Variants in PSD3 observed in about 807,000 individuals in gnomAD.
PSD3 encodes pleckstrin and Sec7 domain containing 3.
Under a neutral mutation model 105.5 loss-of-function variants are expected in PSD3, and 49 were observed. The ratio of observed to expected loss-of-function variants is 0.46; its 90% CI spans 0.37 to 0.59. The LOEUF (loss-of-function observed/expected upper bound fraction) is 0.59. Ranked by LOEUF, PSD3 falls within the 20% of genes least tolerant of loss-of-function variation. The probability of loss-of-function intolerance (pLI) is 0.00; values close to 1 mark genes in which losing one functional copy is unlikely to be tolerated. For synonymous variants in PSD3, 557 were observed against 457.8 expected (o/e 1.22, Z -2.77); for missense variants, 1,561 against 1,263.8 (o/e 1.24, Z -3.57).
intron 4 of PSD3, among the ~76,000 whole-genome samples, chr8:18,846,963 T>C (rs574378649): frequency 6.0e-4 from 92 of 152,198 alleles, no homozygotes; most frequent in Non-Finnish European, 1.2e-3. Context: ...GGCCCCACCC[T>C]GCCAATCCCA....
intron 9 of PSD3, among the ~76,000 whole-genome samples, chr8:18,752,548 ATATATAATTATATATATT>A (rs1805625958): frequency 4.3e-4 from 6 of 14,026 alleles, no homozygotes; most frequent in Middle Eastern, 0.02. Context: ...TATATATATT[ATATATAATTATATATATT>A]ATATATATAA....
intron 15 of PSD3, among the ~76,000 whole-genome samples, chr8:18,550,539 A>G (rs1285723591): frequency 3.3e-5 from 5 of 152,166 alleles, no homozygotes; most frequent in African/African-American, 1.2e-4. Context: ...TCAAAAATAT[A>G]TTTACACCAC....
chr8:18,743,772 A>AT (rs1484714307), intron 9 of PSD3, among the ~76,000 whole-genome samples: 2 of 8,238 alleles, frequency 2.4e-4, no homozygotes, highest in Admixed American at 2.6e-3. Context: ...CCCTGTCTCT[A>AT]TTAAAAAAAA....
chr8:18,957,806 C>G (rs908403118), intron 1 of PSD3, among the ~76,000 whole-genome samples: 1 of 152,134 alleles, frequency 6.6e-6, no homozygotes, highest in African/African-American at 2.4e-5. Flanking sequence ...ATAATGAATG[C>G]ACTTGTGGGT....
In PSD3 at chr8:18,608,212, C is replaced by G. The variant is rs552424049; in HGVS notation, c.2411-7778G>C. Among the ~76,000 whole-genome samples, 4 of 152,028 alleles carry G rather than the reference C, an allele frequency of 2.6e-5. No homozygotes were observed. The East Asian group carries it at 7.7e-4, about 29-fold the overall frequency. On this transcript the variant is annotated intron_variant, in intron 11 of 15. Coordinates refer to ENST00000327040, the MANE Select transcript of PSD3 (RefSeq NM_015310.4). ...TCTATCCTGGGTGACAAAGTGAGAT[C>G]CTGTCTCAAAAAAAAAATTATTTAA...
At chr8:19,007,194 G>C (rs146514372) in intron 1 of PSD3, among the ~76,000 whole-genome samples, 2,405 of 152,096 alleles carry the variant, frequency 0.016, 67 homozygotes, top group African/African-American at 0.054. Context: ...AGAGGTTGCA[G>C]TGAGCCGAGA....
intron 1 of PSD3, among the ~76,000 whole-genome samples, chr8:19,040,186 T>C (rs113669668): frequency 4.6e-5 from 7 of 152,296 alleles, no homozygotes; most frequent in African/African-American, 1.7e-4. Context: ...GGTAAGGCTT[T>C]TGCAGTTAAA....
chr8:18,586,479 G>C (rs971842210), intron 12 of PSD3, among the ~76,000 whole-genome samples: 3 of 152,112 alleles, frequency 2.0e-5, no homozygotes, highest in Non-Finnish European at 4.4e-5. Context: ...TTGATGAAAG[G>C]CTTAAAGTAA....
intron 1 of PSD3, among the ~76,000 whole-genome samples, chr8:19,027,970 T>C (rs971948254): frequency 6.6e-6 from 1 of 152,208 alleles, no homozygotes; most frequent in Admixed American, 6.5e-5. Context: ...TACTGGGACA[T>C]ATGGTTAATG....
chr8:18,542,005 G>C (rs1264904677), intron 15 of PSD3, among the ~76,000 whole-genome samples: 1 of 151,930 alleles, frequency 6.6e-6, no homozygotes, highest in Non-Finnish European at 1.5e-5. Context: ...CTCCTGCCTC[G>C]GCCTCTCAAA....
chr8:18,573,670 A>T (rs2130344130), intron 13 of PSD3, among the ~76,000 whole-genome samples: 1 of 152,334 alleles, frequency 6.6e-6, no homozygotes, highest in South Asian at 2.1e-4. Context: ...GCTTTATGTT[A>T]AATAAAAGAA....
At chr8:18,792,921 C>CA (rs1204106968) in intron 8 of PSD3, among the ~76,000 whole-genome samples, 1 of 152,162 alleles carries the variant, frequency 6.6e-6, no homozygotes, top group Non-Finnish European at 1.5e-5. Context: ...GACTTGGAAC[C>CA]AGTCCAAATG....
intron 9 of PSD3, chr8:18,684,019 C>A (rs527837025): frequency 1.3e-5 from 9 of 682,264 alleles, no homozygotes; most frequent in African/African-American, 1.2e-4. Flanking sequence ...AGGAACTCTG[C>A]GGGGTTGTGC....
At position 18,733,253 on chromosome 8, in the gene PSD3, T is replaced by A. The variant is rs184972270; in HGVS notation, c.2172+32196A>T. ...GGGAAAAAAGGAAAATCTCTTTTTTTAAAAAATGAGAGGTTCTACTTTTTA... is the reference window on the plus strand; with the variant it reads ...GGGAAAAAAGGAAAATCTCTTTTTTAAAAAAATGAGAGGTTCTACTTTTTA... On this transcript the variant is annotated intron_variant, in intron 9 of 15. Coordinates refer to ENST00000327040, the MANE Select transcript of PSD3 (RefSeq NM_015310.4). 380 of 152,308 alleles carry A rather than the reference T, an allele frequency of 2.5e-3. 2 individuals are homozygous for A. The highest frequency in any genetic ancestry group is 8.6e-3 in the African/African-American group (357 of 41,564). 9.4% of individuals were successfully genotyped at this position (152,308 alleles called of 1,614,324 possible).
rs74859041 is a variant in PSD3, at chr8:18,985,663, T to G, written c.21+27900A>C. 7.2e-3 allele frequency among the ~76,000 whole-genome samples: 1,093 copies of G among 152,288 alleles called. 8 individuals are homozygous for G. The highest frequency in any genetic ancestry group is 0.011 in the Non-Finnish European group (768 of 68,006). On this transcript the variant is annotated intron_variant, in intron 1 of 15. Coordinates refer to ENST00000327040, the MANE Select transcript of PSD3 (RefSeq NM_015310.4). Reference sequence around the variant, plus strand: ...GAGCTTTTTCAGTTAAACATACTCCTAAAAATAGCATTTTCTTCTGGGATT... The same window carrying G: ...GAGCTTTTTCAGTTAAACATACTCCGAAAAATAGCATTTTCTTCTGGGATT...
intron 9 of PSD3, among the ~76,000 whole-genome samples, chr8:18,698,076 C>G (rs757112241): frequency 2.0e-5 from 3 of 152,022 alleles, no homozygotes; most frequent in Non-Finnish European, 2.9e-5. Context: ...CCTGGGTTGT[C>G]TCAGTGGGCA....
chr8:19,003,290 G>T (rs1392076325), intron 1 of PSD3, among the ~76,000 whole-genome samples: 1 of 151,906 alleles, frequency 6.6e-6, no homozygotes, highest in Non-Finnish European at 1.5e-5. Context: ...AGGATTGTTT[G>T]AGGCCAGGAG....
chr8:18,852,669 C>G (rs528685980), intron 4 of PSD3, among the ~76,000 whole-genome samples: 9 of 152,138 alleles, frequency 5.9e-5, no homozygotes, highest in South Asian at 2.1e-4. Flanking sequence ...CTGACTGAGA[C>G]GAGAACAGAG....
At chr8:18,816,603 T>C (rs1466852389) in intron 4 of PSD3, among the ~76,000 whole-genome samples, 1 of 152,238 alleles carries the variant, frequency 6.6e-6, no homozygotes, top group Admixed American at 6.5e-5. Flanking sequence ...ACTCCAATTA[T>C]TTATTTAAAC....
Sources: allele counts gnomAD v4.1 joint callset (sites outside exome capture counted in the v4.1 genomes callset), GRCh38; gene constraint gnomAD v4.1.1; transcripts MANE v1.5; gene names NCBI Gene and HGNC (gene_info 2026-07-23, HGNC 2026-07-21).